The following RRH variants were observed in gnomAD, a reference collection of about 807,000 sequenced individuals.
RRH encodes retinal pigment epithelium-derived rhodopsin homolog.
RRH carries 36 observed loss-of-function variants against 33.1 expected under a neutral mutation model. That is an observed-to-expected ratio of 1.09 (90% CI 0.83 to 1.44). The LOEUF is 1.44. Among genes scored for constraint, RRH ranks in the 40% most tolerant of loss-of-function variants. RRH has a pLI of 0.00. For missense variants in RRH, 393 were observed against 420.2 expected, an observed-to-expected ratio of 0.94 and a Z score of 0.57; for synonymous variants, 124 against 140.2, an observed-to-expected ratio of 0.88 and a Z score of 0.82.
chr4:109,836,199 A>C, intron 4 of RRH, 39 bp downstream of exon 4: 1 of 1,603,594 alleles, frequency 6.2e-7, no homozygotes, highest in Non-Finnish European at 8.5e-7. Flanking sequence ...AAATGCTTCT[A>C]ATGTAGACAT....
At chr4:109,837,842 C>CTCGT (rs1560585221) in intron 5 of RRH, among the ~76,000 whole-genome samples, 1 of 151,586 alleles carries the variant, frequency 6.6e-6, no homozygotes, top group Non-Finnish European at 1.5e-5. Context: ...ATGGCACGAT[C>CTCGT]TCGGCTCACT....
rs1343929828 is a variant in RRH, at chr4:109,828,119, A to C, written c.92A>C (p.Tyr31Ser). ...ACTGAACACAATATTGTTGCAACTT[A>C]CTTGATTATGGCAGGTATGGATATT... ...SQTEHNIVAT[Y>S]LIMAGMISII... Residue 31 changes from tyrosine (Y) to serine (S), a missense_variant, in exon 1 of 7, where the codon TAC becomes TCC. Coordinates refer to ENST00000317735, the MANE Select transcript of RRH (RefSeq NM_006583.5). 6.2e-7 allele frequency: 1 copy of C among 1,607,898 alleles called. No individual in the cohort carries two copies. The highest frequency in any genetic ancestry group is 8.5e-7 in the Non-Finnish European group (1 of 1,174,536).
intron 2 of RRH, among the ~76,000 whole-genome samples, chr4:109,834,173 T>C (rs969604955): frequency 2.0e-5 from 3 of 152,178 alleles, no homozygotes; most frequent in African/African-American, 7.2e-5. Flanking sequence ...TTGTTAGATA[T>C]TATGTTTTTG....
At chr4:109,835,136 T>C (rs1733852205) in intron 2 of RRH, among the ~76,000 whole-genome samples, 1 of 152,240 alleles carries the variant, frequency 6.6e-6, no homozygotes, top group African/African-American at 2.4e-5. Flanking sequence ...GAAATTTCAC[T>C]GTAAGTCTTA....
Position 109,837,588 on chromosome 4 carries a change from C to G in RRH, c.703C>G (p.Gln235Glu). The part of the protein sequence containing the change: ...TESLNRDWSD[Q>E]IDVTKMSVIM... Reference sequence around the variant, plus strand: ...GTCCCTCAACAGAGACTGGTCAGATCAGATAGATGTAACAAAGGTAAGAGA... The same window carrying G: ...GTCCCTCAACAGAGACTGGTCAGATGAGATAGATGTAACAAAGGTAAGAGA... Residue 235 changes from glutamine to glutamate, a missense_variant, in exon 5 of 7, where the codon CAG becomes GAG. Coordinates refer to ENST00000317735, the MANE Select transcript of RRH (RefSeq NM_006583.5). The G allele has an allele frequency of 6.2e-7, 1 of 1,613,766 alleles. No homozygotes were observed. The highest frequency in any genetic ancestry group is 8.5e-7 in the Non-Finnish European group (1 of 1,179,736).
intron 2 of RRH, 55 bp from the exon 3 acceptor site, chr4:109,835,311 A>T (rs1733855187): frequency 8.3e-7 from 1 of 1,199,878 alleles, no homozygotes; most frequent in African/African-American, 1.5e-5. Context: ...CAAAAATTTA[A>T]TGTTTCTTGG....
Position 109,844,376 on chromosome 4 carries a change from C to T in RRH, c.*179C>T, listed in dbSNP as rs1291585598. ...TCTGGCTGCTGTAGTGTATGCTTCT[C>T]TGTGTCCTGATATATCAACTTATTG... On this transcript the variant is annotated 3_prime_UTR_variant, in exon 7 of 7. Transcript: ENST00000317735. 6 of 528,146 alleles carry T rather than the reference C, an allele frequency of 1.1e-5. No individual in the cohort carries two copies. Among genetic ancestry groups the T allele is most frequent in the Non-Finnish European group, 2.1e-5 (6 of 289,344 alleles). 32.7% of individuals were successfully genotyped at this position (528,146 alleles called of 1,614,324 possible).
chr4:109,830,875 A>G (rs1733734959), intron 1 of RRH, among the ~76,000 whole-genome samples: 1 of 152,204 alleles, frequency 6.6e-6, no homozygotes, highest in African/African-American at 2.4e-5. Context: ...CACGGAAGTC[A>G]CGGAAGACAA....
Position 109,836,961 on chromosome 4 carries a change from G to A in RRH, c.552-476G>A, listed in dbSNP as rs113884950. ...AAATTAGCTGGCTGTGGTGGTGTATGCCTGTGGTCTCAGCTACTCGGTTGG... is the reference window on the plus strand; with the variant it reads ...AAATTAGCTGGCTGTGGTGGTGTATACCTGTGGTCTCAGCTACTCGGTTGG... On this transcript the variant is annotated intron_variant, in intron 4 of 6. Transcript: ENST00000317735. 6.1e-3 allele frequency among the ~76,000 whole-genome samples: 920 copies of A among 151,342 alleles called. 9 individuals carry two copies. Among genetic ancestry groups the A allele is most frequent in the African/African-American group, 0.021 (855 of 41,098 alleles).
At chr4:109,837,730 C>G in intron 5 of RRH, 125 bp downstream of exon 5, 2 of 748,026 alleles carry the variant, frequency 2.7e-6, no homozygotes, top group South Asian at 1.6e-5. Context: ...CCAGCTCTTT[C>G]TTCTGTGTTT....
chr4:109,833,066 A>G, intron 1 of RRH, 73 bp from the exon 2 acceptor site: 1 of 1,225,978 alleles, frequency 8.2e-7, no homozygotes, highest in South Asian at 1.2e-5. Context: ...AGGGGCTTAA[A>G]TATTTAATTT....
chr4:109,834,099 G>C lies in RRH; in HGVS notation c.297+770G>C, dbSNP rs556987942. 2.5e-3 allele frequency among the ~76,000 whole-genome samples: 383 copies of C among 152,204 alleles called. 1 individual carries two copies. Among genetic ancestry groups the C allele is most frequent in the African/African-American group, 8.6e-3 (358 of 41,506 alleles). On this transcript the variant is annotated intron_variant, in intron 2 of 6. Transcript: ENST00000317735. The stretch of plus-strand genomic sequence containing the variant: ...TATATGTGCACATAAACCAGATACT[G>C]TCTGAATACTTCAGGTTTTGTGTAA...
chr4:109,830,680 A>G (rs1417548565), intron 1 of RRH, among the ~76,000 whole-genome samples: 1 of 152,100 alleles, frequency 6.6e-6, no homozygotes, highest in Non-Finnish European at 1.5e-5. Context: ...CATGGGTTTG[A>G]GTGTCCGGAG....
At position 109,834,753 on chromosome 4, in the gene RRH, A is replaced by G. The variant is rs962225209; in HGVS notation, c.298-613A>G. 3.3e-5 allele frequency among the ~76,000 whole-genome samples: 5 copies of G among 152,102 alleles called. 1 individual carries two copies. Among genetic ancestry groups the G allele is most frequent in the Admixed American group, 1.3e-4 (2 of 15,258 alleles). ...ACATTGCTTAGGAGTGGAATGGTTAAGTTGTAGAGAATGTTCATCTTCAAC... is the reference window on the plus strand; with the variant it reads ...ACATTGCTTAGGAGTGGAATGGTTAGGTTGTAGAGAATGTTCATCTTCAAC... On this transcript the variant is annotated intron_variant, in intron 2 of 6. Transcript: ENST00000317735.
chr4:109,831,297 C>A (rs1276529812), intron 1 of RRH, among the ~76,000 whole-genome samples: 1 of 151,862 alleles, frequency 6.6e-6, no homozygotes, highest in Non-Finnish European at 1.5e-5. Context: ...AAAAATAGGG[C>A]CAAAGAATCA....
intron 5 of RRH, among the ~76,000 whole-genome samples, chr4:109,841,159 C>T (rs1165053537): frequency 6.6e-6 from 1 of 151,890 alleles, no homozygotes; most frequent in Non-Finnish European, 1.5e-5. Flanking sequence ...TCATGTTGCT[C>T]CCTCCTGATT....
rs751524676 is a variant in RRH, at chr4:109,837,594, G to A, written c.709G>A (p.Asp237Asn). Residue 237 changes from aspartate (D) to asparagine (N), a missense_variant, in exon 5 of 7, where the codon GAT (aspartate) becomes AAT (asparagine). Transcript: ENST00000317735. ...CAACAGAGACTGGTCAGATCAGATA[G>A]ATGTAACAAAGGTAAGAGATCAAAA... ...SLNRDWSDQI[D>N]VTKMSVIMIC... The A allele has an allele frequency of 1.9e-6, 3 of 1,613,736 alleles. No individual in the cohort carries two copies. The highest frequency in any genetic ancestry group is 2.2e-5 in the South Asian group (2 of 91,022).
chr4:109,844,467 T>C lies in RRH; in HGVS notation c.*270T>C. 2.7e-6 allele frequency: 1 copy of C among 375,854 alleles called. No individual in the cohort carries two copies. The highest frequency in any genetic ancestry group is 2.2e-5 in the South Asian group (1 of 45,034). The allele number at this position is 375,854 out of a possible 1,614,324, so 23.3% of individuals were successfully genotyped here. A position where few individuals can be genotyped will look rare whatever the true frequency, so the allele number is the denominator to read the frequency against. On this transcript the variant is annotated 3_prime_UTR_variant, in exon 7 of 7. Coordinates refer to ENST00000317735, the MANE Select transcript of RRH (RefSeq NM_006583.5). The stretch of plus-strand genomic sequence containing the variant: ...CCCTTTCTTTCTCCCTATTATGGCA[T>C]GCATTACACTGTACTGATGACCTTT...
intron 4 of RRH, 97 bp downstream of exon 4, chr4:109,836,257 GA>G (rs1733883036): frequency 7.7e-7 from 1 of 1,290,328 alleles, no homozygotes. Flanking sequence ...TCCTCATACA[GA>G]AGGTGGCGAA....
Sources: gnomAD v4.1 joint callset for allele counts (sites outside exome capture counted in the v4.1 genomes callset) on GRCh38, gnomAD v4.1.1 for gene constraint, MANE v1.5 for transcripts, NCBI Gene and HGNC (gene_info 2026-07-23, HGNC 2026-07-21) for gene names.